Variants in ASTN2 observed in about 807,000 individuals in gnomAD.
ASTN2 encodes astrotactin-2.
Under a neutral mutation model 139.8 loss-of-function variants are expected in ASTN2, and 54 were observed. The ratio of observed to expected loss-of-function variants is 0.39; its 90% CI spans 0.31 to 0.48. ASTN2 has a LOEUF of 0.48. Ranked by LOEUF, ASTN2 falls within the 20% of genes least tolerant of loss-of-function variation. The probability of loss-of-function intolerance (pLI) is 0.95; values close to 1 mark genes in which losing one functional copy is unlikely to be tolerated. For missense variants in ASTN2, 1,565 were observed against 1,725.1 expected, an observed-to-expected ratio of 0.91 and a Z score of 1.64; for synonymous variants, 756 against 719.5, an observed-to-expected ratio of 1.05 and a Z score of -0.81.
intron 3 of ASTN2, among the ~76,000 whole-genome samples, chr9:117,207,786 T>A (rs1482409324): frequency 6.6e-6 from 1 of 152,038 alleles, no homozygotes; most frequent in Non-Finnish European, 1.5e-5. Flanking sequence ...TGCATGAACA[T>A]CCCCCTGTTC....
At chr9:116,948,222 T>C (rs1324590050) in intron 10 of ASTN2, among the ~76,000 whole-genome samples, 1 of 152,240 alleles carries the variant, frequency 6.6e-6, no homozygotes, top group African/African-American at 2.4e-5. Flanking sequence ...TATTCCTTTG[T>C]AATTGTGAAG....
intron 1 of ASTN2, among the ~76,000 whole-genome samples, chr9:117,317,005 T>C (rs1828164682): frequency 6.6e-6 from 1 of 152,166 alleles, no homozygotes; most frequent in Non-Finnish European, 1.5e-5. Context: ...TTCTCTTATC[T>C]TTTTGCCTCT....
intron 10 of ASTN2, among the ~76,000 whole-genome samples, chr9:116,907,975 T>C (rs1169907269): frequency 6.6e-6 from 1 of 152,152 alleles, no homozygotes; most frequent in African/African-American, 2.4e-5. Context: ...CTCTCAAGAA[T>C]AGCCAGAACT....
intron 10 of ASTN2, among the ~76,000 whole-genome samples, chr9:116,920,604 G>A (rs941653564): frequency 6.6e-6 from 1 of 152,182 alleles, no homozygotes; most frequent in Non-Finnish European, 1.5e-5. Context: ...GACCATACAT[G>A]CATCATTTAA....
At chr9:117,349,989 T>G (rs891275198) in intron 1 of ASTN2, among the ~76,000 whole-genome samples, 4 of 152,136 alleles carry the variant, frequency 2.6e-5, no homozygotes, top group African/African-American at 7.2e-5. Context: ...GGAAACCGAG[T>G]AAAATCTGAA....
At chr9:116,789,986 C>A (rs1588294741) in intron 13 of ASTN2, among the ~76,000 whole-genome samples, 1 of 136,900 alleles carries the variant, frequency 7.3e-6, no homozygotes, top group Non-Finnish European at 1.5e-5. Flanking sequence ...AGTGCAGTGG[C>A]GTGGTCTTGG....
rs1313455005 is a variant in ASTN2 at position 117,188,203 on chromosome 9, A to G, written c.1015+26155T>C. 1.4e-4 allele frequency among the ~76,000 whole-genome samples: 21 copies of G among 145,690 alleles called. No homozygotes were observed. The Admixed American group carries it at 1.5e-3, about 10-fold the overall frequency. On this transcript the variant is annotated intron_variant, in intron 3 of 22. Coordinates refer to ENST00000313400, the MANE Select transcript of ASTN2 (RefSeq NM_001365068.1). ...GAGAGAGAGAGAGAGACAGAGAGAG[A>G]GAGAGAGAGGAAATCACCCCCGATC...
intron 10 of ASTN2, among the ~76,000 whole-genome samples, chr9:116,877,033 T>C (rs1339942753): frequency 6.6e-6 from 1 of 152,220 alleles, no homozygotes; most frequent in African/African-American, 2.4e-5. Context: ...AAGACTCAAA[T>C]TTCTGGTCAT....
chr9:116,976,108 A>G lies in ASTN2; in HGVS notation c.1751+6T>C, dbSNP rs1303906543. 3.1e-5 allele frequency: 50 copies of G among 1,613,902 alleles called. No individual in the cohort carries two copies. Among genetic ancestry groups the G allele is most frequent in the Non-Finnish European group, 4.2e-5 (50 of 1,179,930 alleles). ...GAATTATGCCCCAACAAGAAAGCCA[A>G]CTCACCTGAGAATCTTTTCAGGGGC... On this transcript the variant is annotated splice_donor_region_variant and intron_variant, in intron 9 of 22. Transcript: ENST00000313400.
In ASTN2 at chr9:116,730,717, A is replaced by G. The variant is rs564050715; in HGVS notation, c.2522-1621T>C. Among the ~76,000 whole-genome samples the G allele has an allele frequency of 6.6e-5, 10 of 152,346 alleles. 1 individual carries two copies. The South Asian group carries it at 1.7e-3, about 25-fold the overall frequency. ...TTGGCAGCCAAGGCCTATCTCCAAC[A>G]GAAGAGGCAGAATGATGCAGGCTGT... On this transcript the variant is annotated intron_variant, in intron 14 of 22. Transcript: ENST00000313400.
intron 13 of ASTN2, among the ~76,000 whole-genome samples, chr9:116,788,120 C>T (rs1474002281): frequency 1.3e-5 from 2 of 151,894 alleles, no homozygotes; most frequent in Non-Finnish European, 2.9e-5. Context: ...AAGTCAAACT[C>T]GTATTAGAGA....
intron 10 of ASTN2, among the ~76,000 whole-genome samples, chr9:116,944,676 T>C (rs2132475236): frequency 8.5e-6 from 1 of 117,936 alleles, no homozygotes; most frequent in Admixed American, 9.9e-5. Flanking sequence ...AGTAAGACTC[T>C]GTCTCAAAAA....
intron 1 of ASTN2, among the ~76,000 whole-genome samples, chr9:117,320,807 C>T: frequency 6.6e-6 from 1 of 152,164 alleles, no homozygotes; most frequent in East Asian, 1.9e-4. Context: ...GCCACCCCCA[C>T]CTGATCATGC....
intron 5 of ASTN2, among the ~76,000 whole-genome samples, chr9:117,075,687 C>T (rs911899212): frequency 2.6e-5 from 4 of 152,106 alleles, no homozygotes; most frequent in Non-Finnish European, 5.9e-5. Context: ...TATTTAGCTC[C>T]ATCTTTGCCA....
At chr9:116,434,256 T>TA (rs1847582279) in intron 22 of ASTN2, among the ~76,000 whole-genome samples, 1 of 152,140 alleles carries the variant, frequency 6.6e-6, no homozygotes, top group African/African-American at 2.4e-5. Context: ...TGCCAAAATA[T>TA]ACAGAAAAAG....
At chr9:116,497,765 C>G (rs530519128) in intron 19 of ASTN2, among the ~76,000 whole-genome samples, 10 of 152,238 alleles carry the variant, frequency 6.6e-5, no homozygotes, top group South Asian at 4.1e-4. Flanking sequence ...CTCCTCCCCC[C>G]CAATCACTCT....
chr9:116,544,614 T>C (rs1431949847), intron 19 of ASTN2, among the ~76,000 whole-genome samples: 1 of 152,038 alleles, frequency 6.6e-6, no homozygotes, highest in Non-Finnish European at 1.5e-5. Context: ...TATTCATGAG[T>C]TATTTGATGG....
intron 16 of ASTN2, among the ~76,000 whole-genome samples, chr9:116,721,051 C>T (rs1367225378): frequency 1.3e-5 from 2 of 152,192 alleles, no homozygotes; most frequent in African/African-American, 4.8e-5. Flanking sequence ...ACACAGTAAT[C>T]GAAGTGGATG....
chr9:117,189,205 G>A (rs759663252), intron 3 of ASTN2, among the ~76,000 whole-genome samples: 4 of 151,566 alleles, frequency 2.6e-5, no homozygotes, highest in Non-Finnish European at 4.4e-5. Flanking sequence ...GAGAACTGCT[G>A]TTTACCCACT....
Sources: allele counts gnomAD v4.1 joint callset (sites outside exome capture counted in the v4.1 genomes callset), GRCh38; gene constraint gnomAD v4.1.1; transcripts MANE v1.5; gene names NCBI Gene and HGNC (gene_info 2026-07-23, HGNC 2026-07-21).